Variants in EDEM3 observed in about 807,000 individuals in gnomAD.
The protein encoded by EDEM3 is ER degradation enhancing alpha-mannosidase like protein 3.
EDEM3 carries 60 observed loss-of-function variants against 110.2 expected under a neutral mutation model. That is an observed-to-expected ratio of 0.54 (90% CI 0.44 to 0.67). EDEM3 has a LOEUF of 0.67. Ranked by LOEUF, EDEM3 falls within the 30% of genes least tolerant of loss-of-function variation. The pLI is 0.00. For synonymous variants in EDEM3, 352 were observed against 382.9 expected, an observed-to-expected ratio of 0.92 and a Z score of 0.94; for missense variants, 996 against 1,121.0, an observed-to-expected ratio of 0.89 and a Z score of 1.59.
chr1:184,725,439 T>C (rs965883011), intron 7 of EDEM3, among the ~76,000 whole-genome samples: 1 of 152,166 alleles, frequency 6.6e-6, no homozygotes, highest in African/African-American at 2.4e-5. Flanking sequence ...GAACAAGATA[T>C]AGAGCAAAAC....
chr1:184,717,514 A>G, intron 12 of EDEM3, 26 bp downstream of exon 12: 2 of 1,579,340 alleles, frequency 1.3e-6, no homozygotes, highest in Non-Finnish European at 1.7e-6. Context: ...GCTAAACTTT[A>G]AGTAAAATGG....
At chr1:184,738,879 C>CT (rs1358280751) in intron 2 of EDEM3, among the ~76,000 whole-genome samples, 7 of 152,044 alleles carry the variant, frequency 4.6e-5, no homozygotes, top group African/African-American at 1.4e-4. Flanking sequence ...TGGCTTTTAA[C>CT]TTTATCTTGC....
At chr1:184,710,695 T>C (rs1650178037) in intron 15 of EDEM3, 148 bp from the exon 16 acceptor site, 2 of 955,834 alleles carry the variant, frequency 2.1e-6, no homozygotes, top group African/African-American at 1.7e-5. Context: ...TTCTTACATA[T>C]AATTTAGGTT....
At position 184,716,963 on chromosome 1, in the gene EDEM3, T is replaced by C. The variant is rs1335781356; in HGVS notation, c.1295A>G (p.Asn432Ser). ...YLEVGKTLIENLNKYARVPCG... is the reference protein window; with the variant it reads ...YLEVGKTLIESLNKYARVPCG... ...AGGCACTCTAGCATATTTATTTAAA[T>C]TTTCAATAAGTGTCTTCCCTACTTC... Residue 432 changes from asparagine (N) to serine (S), a missense_variant, in exon 13 of 20, where the codon AAT becomes AGT. Coordinates refer to ENST00000318130, the MANE Select transcript of EDEM3 (RefSeq NM_025191.4). 6.2e-7 allele frequency: 1 copy of C among 1,613,134 alleles called. No homozygotes were observed. The highest frequency in any genetic ancestry group is 1.7e-4 in the Middle Eastern group (1 of 6,056).
chr1:184,701,664 T>C (rs1676189061), intron 19 of EDEM3: 1 of 586,278 alleles, frequency 1.7e-6, no homozygotes, highest in Admixed American at 4.4e-5. Context: ...GGCAAGAAGA[T>C]CTGAGTTTAG....
chr1:184,708,198 A>C lies in EDEM3; in HGVS notation c.1992T>G (p.Thr664=). ...SHPFFGRVVL[T]AGPAQFGLDL... is the part of the protein sequence containing the mutation. ...CCAGCCCAAACTGAGCTGGTCCAGC[A>C]GTCAATACTACCCTGCCAAAAAATG... The change falls in exon 17 of 20, where the codon ACT becomes ACG. Residue 664 remains threonine, a synonymous_variant. Coordinates refer to ENST00000318130, the MANE Select transcript of EDEM3 (RefSeq NM_025191.4). 1 of 1,613,778 alleles carries C rather than the reference A, an allele frequency of 6.2e-7. No individual in the cohort carries two copies. The highest frequency in any genetic ancestry group is 8.5e-7 in the Non-Finnish European group (1 of 1,179,842).
intron 15 of EDEM3, 129 bp from the exon 16 acceptor site, chr1:184,710,676 G>T: frequency 9.3e-7 from 1 of 1,076,074 alleles, no homozygotes; most frequent in East Asian, 2.6e-5. Flanking sequence ...GGAATAACTA[G>T]AAAGTATTTT....
At chr1:184,724,015 A>G (rs1053644736) in intron 7 of EDEM3, among the ~76,000 whole-genome samples, 159 bp from the exon 8 acceptor site, 1 of 152,038 alleles carries the variant, frequency 6.6e-6, no homozygotes, top group African/African-American at 2.4e-5. Flanking sequence ...AAATTTCCTT[A>G]AAACTCAAAG....
At chr1:184,721,444 T>A (rs567805360) in intron 8 of EDEM3, 58 bp from the exon 9 acceptor site, 84 of 1,348,776 alleles carry the variant, frequency 6.2e-5, no homozygotes, top group African/African-American at 3.6e-4. Flanking sequence ...TAAATTTTTT[T>A]AAAAAAATAG....
chr1:184,745,581 AT>A (rs568536647), intron 2 of EDEM3, among the ~76,000 whole-genome samples: 20 of 152,052 alleles, frequency 1.3e-4, no homozygotes, highest in East Asian at 1.9e-4. Flanking sequence ...AACAATAAAA[AT>A]TTTTTTTAAA....
intron 19 of EDEM3, among the ~76,000 whole-genome samples, chr1:184,696,753 C>G (rs1376506960): frequency 1.3e-5 from 2 of 151,880 alleles, no homozygotes; most frequent in African/African-American, 4.8e-5. Context: ...TCCCTAAATT[C>G]AAGAGAGAAC....
intron 2 of EDEM3, among the ~76,000 whole-genome samples, chr1:184,744,158 G>C (rs1436441175): frequency 6.7e-6 from 1 of 149,906 alleles, no homozygotes; most frequent in Non-Finnish European, 1.5e-5. Context: ...CACAGACTGG[G>C]AGAAAATATA....
intron 2 of EDEM3, among the ~76,000 whole-genome samples, chr1:184,747,622 A>AT (rs1171474897): frequency 2.0e-5 from 3 of 152,224 alleles, no homozygotes; most frequent in Non-Finnish European, 2.9e-5. Flanking sequence ...CACTGGAAAT[A>AT]TATAAGACAA....
Position 184,711,808 on chromosome 1 carries a change from G to C in EDEM3, c.1606C>G (p.Pro536Ala). The C allele has an allele frequency of 6.2e-7, 1 of 1,613,556 alleles. No homozygotes were observed. The highest frequency in any genetic ancestry group is 8.5e-7 in the Non-Finnish European group (1 of 1,179,638). Residue 536 changes from proline to alanine, a missense_variant, in exon 15 of 20, where the codon CCT becomes GCT. Coordinates refer to ENST00000318130, the MANE Select transcript of EDEM3 (RefSeq NM_025191.4). ...WTCPNTQILF[P>A]NDPLYAQSIR... Reference sequence around the variant, plus strand: ...CTTTGAGCATACAATGGGTCATTAGGAAAGAGGATCTGAGTATTTGGACAA... The same window carrying C: ...CTTTGAGCATACAATGGGTCATTAGCAAAGAGGATCTGAGTATTTGGACAA...
At chr1:184,717,677 G>C in intron 11 of EDEM3, 54 bp from the exon 12 acceptor site, 1 of 1,362,448 alleles carries the variant, frequency 7.3e-7, no homozygotes, top group Admixed American at 2.2e-5. Context: ...TACACAAGTA[G>C]TTCCAGAATA....
intron 13 of EDEM3, among the ~76,000 whole-genome samples, chr1:184,716,645 A>G (rs1371476178): frequency 6.6e-6 from 1 of 152,190 alleles, no homozygotes; most frequent in Non-Finnish European, 1.5e-5. Flanking sequence ...TTTAACAATC[A>G]TCGATTCATT....
rs1649015355 is a variant in EDEM3, at chr1:184,690,507, A to G, written c.*3556T>C. 1.3e-5 allele frequency: 2 copies of G among 152,764 alleles called. No individual in the cohort carries two copies. The highest frequency in any genetic ancestry group is 1.5e-5 in the Non-Finnish European group (1 of 68,026). 9.5% of individuals were successfully genotyped at this position (152,764 alleles called of 1,614,324 possible). On this transcript the variant is annotated 3_prime_UTR_variant, in exon 20 of 20. Coordinates refer to ENST00000318130, the MANE Select transcript of EDEM3 (RefSeq NM_025191.4). ...AAATTCAAATTAAAACTAAACTGGA[A>G]TATTTACATATTTTATTAAATCTTT... is the stretch of plus-strand genomic sequence containing the variant.
At chr1:184,738,066 G>A (rs1651931507) in intron 2 of EDEM3, among the ~76,000 whole-genome samples, 1 of 151,958 alleles carries the variant, frequency 6.6e-6, no homozygotes, top group South Asian at 2.1e-4. Flanking sequence ...TTATGAACAG[G>A]TGTTCATGCC....
intron 9 of EDEM3, 117 bp downstream of exon 9, chr1:184,721,172 C>G (rs1650879984): frequency 2.5e-6 from 2 of 801,072 alleles, no homozygotes; most frequent in East Asian, 3.0e-5. Flanking sequence ...AATACTGACA[C>G]AAAACCACTA....
Sources: gnomAD v4.1 joint callset for allele counts (sites outside exome capture counted in the v4.1 genomes callset) on GRCh38, gnomAD v4.1.1 for gene constraint, MANE v1.5 for transcripts, NCBI Gene and HGNC (gene_info 2026-07-23, HGNC 2026-07-21) for gene names.